RGS6: variants seen among roughly 807,000 people sequenced by gnomAD.
The protein encoded by RGS6 is regulator of G protein signaling 6.
RGS6 carries 30 observed loss-of-function variants against 78.5 expected under a neutral mutation model. That is an observed-to-expected ratio of 0.38 (90% CI 0.29 to 0.52). RGS6 has a LOEUF of 0.52. Ranked by LOEUF, RGS6 falls within the 20% of genes least tolerant of loss-of-function variation. RGS6 has a pLI of 0.85. For synonymous variants in RGS6, 206 were observed against 206.0 expected (o/e 1.00, Z 0.00); for missense variants, 495 against 609.7 (o/e 0.81, Z 1.98).
At chr14:72,202,341 A>G (rs1428019652) in intron 2 of RGS6, among the ~76,000 whole-genome samples, 1 of 152,174 alleles carries the variant, frequency 6.6e-6, no homozygotes, top group Non-Finnish European at 1.5e-5. Context: ...AGGAGTGGCC[A>G]CAGAGAACAA....
At chr14:72,586,157 G>A in the RGS6 span, among the ~76,000 whole-genome samples, 308 of 152,184 alleles carry the variant, frequency 2.0e-3, 1 homozygote, top group African/African-American at 7.1e-3. Context: ...CAGCCTTTTT[G>A]CAGAGCTTAG....
chr14:72,274,380 C>A (rs1452440560), intron 2 of RGS6, among the ~76,000 whole-genome samples: 1 of 152,190 alleles, frequency 6.6e-6, no homozygotes, highest in Non-Finnish European at 1.5e-5. Context: ...TTTGTGCCAT[C>A]AGGTCATCAG....
chr14:72,417,136 TTG>T (rs2093873183), intron 3 of RGS6, among the ~76,000 whole-genome samples: 1 of 152,178 alleles, frequency 6.6e-6, no homozygotes, highest in African/African-American at 2.4e-5. Context: ...AGACATGAAA[TTG>T]TGCCGCCAGC....
intron 2 of RGS6, among the ~76,000 whole-genome samples, chr14:72,291,207 C>T (rs1275351607): frequency 6.6e-6 from 1 of 152,040 alleles, no homozygotes; most frequent in Admixed American, 6.5e-5. Context: ...GCGTCCGTCT[C>T]CATCCCCATC....
intron 10 of RGS6, 56 bp downstream of exon 10, chr14:72,474,755 A>G: frequency 7.3e-7 from 1 of 1,362,878 alleles, no homozygotes; most frequent in Non-Finnish European, 1.0e-6. Context: ...TTCCAGTTCT[A>G]GTACTATTCA....
intron 17 of RGS6, among the ~76,000 whole-genome samples, chr14:72,556,859 G>A (rs1269183757): frequency 6.6e-6 from 1 of 151,924 alleles, no homozygotes; most frequent in Non-Finnish European, 1.5e-5. Context: ...TCTATCCCTT[G>A]ACTTTTTTAA....
intron 17 of RGS6, among the ~76,000 whole-genome samples, chr14:72,560,870 G>A (rs961591824): frequency 6.6e-6 from 1 of 150,608 alleles, no homozygotes; most frequent in Non-Finnish European, 1.5e-5. Context: ...GAAAAGTTTT[G>A]TCTCACTAGT....
At position 72,221,452 on chromosome 14, in the gene RGS6, C is replaced by G. The variant is rs190216264; in HGVS notation, c.85-130643C>G. Among the ~76,000 whole-genome samples, 34 of 152,276 alleles carry G rather than the reference C, an allele frequency of 2.2e-4. 1 individual carries two copies. In the East Asian group the frequency reaches 6.4e-3, roughly 29 times the overall value. ...TTTGGTATCCTAAGAACTGCTCTTC[C>G]TTCTTCTGCATTCTTCCTTACTGCG... On this transcript the variant is annotated intron_variant, in intron 2 of 17. Coordinates refer to ENST00000553525, the MANE Select transcript of RGS6 (RefSeq NM_001204424.2).
At chr14:72,078,192 TA>T (rs2094661272) in intron 2 of RGS6, among the ~76,000 whole-genome samples, 1 of 152,076 alleles carries the variant, frequency 6.6e-6, no homozygotes, top group African/African-American at 2.4e-5. Context: ...ATCTGGTTGT[TA>T]AAAAGTGTGT....
chr14:72,075,774 A>G (rs953093988), intron 2 of RGS6, among the ~76,000 whole-genome samples: 4 of 152,210 alleles, frequency 2.6e-5, no homozygotes, highest in African/African-American at 4.8e-5. Context: ...TCCAGGATGA[A>G]TGCCTCCCTC....
At chr14:72,381,056 T>C (rs1298207703) in intron 3 of RGS6, among the ~76,000 whole-genome samples, 1 of 152,124 alleles carries the variant, frequency 6.6e-6, no homozygotes, top group Non-Finnish European at 1.5e-5. Flanking sequence ...GAGGATATTA[T>C]GCTAAGTGAA....
At chr14:72,227,417 G>C (rs2153804027) in intron 2 of RGS6, among the ~76,000 whole-genome samples, 1 of 152,214 alleles carries the variant, frequency 6.6e-6, no homozygotes, top group Non-Finnish European at 1.5e-5. Context: ...ATGGGGCTTG[G>C]AACATTTTCT....
chr14:72,451,940 C>T (rs925468389), intron 3 of RGS6, among the ~76,000 whole-genome samples: 8 of 152,142 alleles, frequency 5.3e-5, no homozygotes, highest in Admixed American at 1.3e-4. Flanking sequence ...TTAATAGAGA[C>T]GGGGTTTCAC....
intron 2 of RGS6, among the ~76,000 whole-genome samples, chr14:72,328,044 C>A (rs2074195990): frequency 6.6e-6 from 1 of 152,104 alleles, no homozygotes; most frequent in Non-Finnish European, 1.5e-5. Context: ...CAGCATGAGT[C>A]CACAGGCCCA....
At chr14:72,315,969 G>T (rs1321492909) in intron 2 of RGS6, among the ~76,000 whole-genome samples, 2 of 152,218 alleles carry the variant, frequency 1.3e-5, no homozygotes, top group Admixed American at 1.3e-4. Flanking sequence ...CTGTGGCTTG[G>T]CTTGGGGTAG....
chr14:72,558,644 G>A (rs2097622174), intron 17 of RGS6, among the ~76,000 whole-genome samples: 1 of 152,148 alleles, frequency 6.6e-6, no homozygotes, highest in Admixed American at 6.5e-5. Flanking sequence ...CCATCAAGAT[G>A]GCCACAGAGC....
rs556013266 is a variant in RGS6, at chr14:71,945,659, A to G, written c.-21+12718A>G. Among the ~76,000 whole-genome samples the G allele has an allele frequency of 3.3e-5, 5 of 152,264 alleles. 1 individual carries two copies. The highest frequency in any genetic ancestry group is 2.6e-4 in the Admixed American group (4 of 15,292). On this transcript the variant is annotated intron_variant, in intron 1 of 17. Transcript: ENST00000553525. ...TACCAAATAAGATTTCCTTTTTTCTAGAAGCAGAACAGCCATCCACGTGTG... is the reference window on the plus strand; with the variant it reads ...TACCAAATAAGATTTCCTTTTTTCTGGAAGCAGAACAGCCATCCACGTGTG...
chr14:72,217,300 G>A (rs1375559177), intron 2 of RGS6, among the ~76,000 whole-genome samples: 1 of 152,174 alleles, frequency 6.6e-6, no homozygotes, highest in East Asian at 1.9e-4. Context: ...AGAATGGGAG[G>A]ATGGTTGCAT....
chr14:72,544,715 T>C (rs2097369335), intron 17 of RGS6, among the ~76,000 whole-genome samples: 1 of 152,142 alleles, frequency 6.6e-6, no homozygotes, highest in South Asian at 2.1e-4. Flanking sequence ...AGCGGGAAGC[T>C]CTGGGAGCCA....
Sources: allele counts gnomAD v4.1 joint callset (sites outside exome capture counted in the v4.1 genomes callset), GRCh38; gene constraint gnomAD v4.1.1; transcripts MANE v1.5; gene names NCBI Gene and HGNC (gene_info 2026-07-23, HGNC 2026-07-21).